NLGN1: variants seen among roughly 807,000 people sequenced by gnomAD.
The protein encoded by NLGN1 is neuroligin-1.
A neutral mutation model predicts 65.5 loss-of-function variants in NLGN1; 12 were observed. The observed-to-expected ratio is 0.18, with a 90% CI of 0.12 to 0.30. The LOEUF (loss-of-function observed/expected upper bound fraction) is 0.30, where lower values mean the gene tolerates loss of function less well. Among genes scored for constraint, NLGN1 ranks in the 10% least tolerant of loss-of-function variants. NLGN1 has a pLI of 1.00. For synonymous variants in NLGN1, 350 were observed against 359.5 expected (o/e 0.97, Z 0.30); for missense variants, 750 against 1,007.1 (o/e 0.74, Z 3.46).
At position 174,243,552 on chromosome 3, in the gene NLGN1, T is replaced by A. The variant is rs533112296; in HGVS notation, c.647-31763T>A. ...TCTCTTTCTTACAAAATCTTAAAAA[T>A]TCCCCTATGTAATTCCTTTTCTATT... On this transcript the variant is annotated intron_variant, in intron 4 of 6. Transcript: ENST00000457714. Among the ~76,000 whole-genome samples the A allele has an allele frequency of 5.9e-5, 9 of 152,308 alleles. No homozygotes were observed. In the East Asian group the frequency reaches 1.7e-3, roughly 29 times the overall value.
At chr3:173,531,660 C>A (rs1236669295) in intron 2 of NLGN1, among the ~76,000 whole-genome samples, 2 of 151,770 alleles carry the variant, frequency 1.3e-5, no homozygotes. Context: ...TTTCAACTAC[C>A]TATAAATCTC....
At chr3:173,435,055 C>G (rs1024147670) in exon 2 of NLGN1, 22 of 152,564 alleles carry the variant, frequency 1.4e-4, no homozygotes, top group African/African-American at 4.8e-4. Context: ...TGTGACAAAT[C>G]CCCCAGGGCT....
chr3:174,213,555 A>G (rs1737079723), intron 4 of NLGN1, among the ~76,000 whole-genome samples: 1 of 152,194 alleles, frequency 6.6e-6, no homozygotes, highest in Admixed American at 6.5e-5. Context: ...TAAAACAATA[A>G]CCTTTGTGGT....
intron 4 of NLGN1, among the ~76,000 whole-genome samples, chr3:173,915,918 A>G (rs1740642988): frequency 1.3e-5 from 2 of 151,724 alleles, no homozygotes; most frequent in South Asian, 4.2e-4. Flanking sequence ...ATTTTTTTAG[A>G]TTATAGTAGC....
chr3:173,508,485 C>T (rs758513076), intron 2 of NLGN1, among the ~76,000 whole-genome samples: 9 of 152,128 alleles, frequency 5.9e-5, no homozygotes, highest in Non-Finnish European at 1.2e-4. Flanking sequence ...TTCGCTATCC[C>T]TGAGGCTCCC....
rs1215808815 is a variant in NLGN1, at chr3:173,733,433, T to C, written c.494-74247T>C. ...TCTCTCTTTCCCTTTCCCTTTTCTCTAATCATTGTTCCCTTTTCTGCAGTA... is the reference window on the plus strand; with the variant it reads ...TCTCTCTTTCCCTTTCCCTTTTCTCCAATCATTGTTCCCTTTTCTGCAGTA... On this transcript the variant is annotated intron_variant, in intron 3 of 6. Transcript: ENST00000457714. Among the ~76,000 whole-genome samples, 5 of 152,138 alleles carry C rather than the reference T, an allele frequency of 3.3e-5. No homozygotes were observed. In the East Asian group the frequency reaches 9.6e-4, roughly 29 times the overall value.
chr3:173,981,549 A>G (rs1463488141), intron 4 of NLGN1, among the ~76,000 whole-genome samples: 1 of 152,110 alleles, frequency 6.6e-6, no homozygotes, highest in East Asian at 1.9e-4. Flanking sequence ...TATCTGGTAC[A>G]TTACATTTGT....
intron 4 of NLGN1, among the ~76,000 whole-genome samples, chr3:174,172,370 C>A (rs1014734436): frequency 3.3e-5 from 5 of 152,018 alleles, no homozygotes; most frequent in African/African-American, 1.2e-4. Flanking sequence ...GTTGTAGTAG[C>A]AAATACTGGG....
chr3:174,049,708 G>A (rs539937550), intron 4 of NLGN1, among the ~76,000 whole-genome samples: 2 of 152,194 alleles, frequency 1.3e-5, no homozygotes, highest in East Asian at 3.9e-4. Context: ...GTAATCTAAA[G>A]TGCTTTAATT....
At chr3:173,667,760 G>A (rs1761913379) in intron 3 of NLGN1, among the ~76,000 whole-genome samples, 1 of 152,144 alleles carries the variant, frequency 6.6e-6, no homozygotes, top group South Asian at 2.1e-4. Flanking sequence ...CTCCCGATTA[G>A]CTGGGACTAC....
intron 4 of NLGN1, among the ~76,000 whole-genome samples, chr3:173,879,919 T>G (rs1732899693): frequency 1.3e-5 from 2 of 152,190 alleles, no homozygotes; most frequent in African/African-American, 4.8e-5. Flanking sequence ...AAGTGTATTT[T>G]AAAATACTTT....
At chr3:173,759,421 C>T (rs1285328714) in intron 3 of NLGN1, among the ~76,000 whole-genome samples, 8 of 151,870 alleles carry the variant, frequency 5.3e-5, no homozygotes, top group African/African-American at 1.7e-4. Context: ...CATCAATTAA[C>T]GTCTTTGTAC....
intron 2 of NLGN1, among the ~76,000 whole-genome samples, chr3:173,495,137 A>G (rs924835680): frequency 1.3e-5 from 2 of 151,768 alleles, no homozygotes; most frequent in Non-Finnish European, 2.9e-5. Context: ...TCAGGAGTAT[A>G]ACTATCTATA....
chr3:173,584,787 A>AGGC (rs1553767063), intron 2 of NLGN1: 1 of 147,444 alleles, frequency 6.8e-6, no homozygotes, highest in African/African-American at 2.6e-5. Flanking sequence ...ATAAAAAAGG[A>AGGC]GGGGGGGGTG....
At chr3:173,978,739 T>C (rs1718081557) in intron 4 of NLGN1, among the ~76,000 whole-genome samples, 1 of 150,960 alleles carries the variant, frequency 6.6e-6, no homozygotes, top group African/African-American at 2.4e-5. Flanking sequence ...CTCATACCTG[T>C]AATCCCAGCA....
At position 174,079,497 on chromosome 3, in the gene NLGN1, G is replaced by A. The variant is rs899827199; in HGVS notation, c.647-195818G>A. Among the ~76,000 whole-genome samples, 7 of 152,120 alleles carry A rather than the reference G, an allele frequency of 4.6e-5. No homozygotes were observed. In the East Asian group the frequency reaches 5.8e-4, roughly 13 times the overall value. On this transcript the variant is annotated intron_variant, in intron 4 of 6. Transcript: ENST00000457714. ...GACATTGTGGTGATTCCTCAAAGAC[G>A]TAAAAACAGAAACACCATTTGACCC...
intron 3 of NLGN1, among the ~76,000 whole-genome samples, chr3:173,615,777 C>T (rs1331280406): frequency 6.7e-6 from 1 of 148,638 alleles, no homozygotes; most frequent in African/African-American, 2.5e-5. Flanking sequence ...CTAAAGTGTA[C>T]CTATACAAAT....
intron 3 of NLGN1, among the ~76,000 whole-genome samples, chr3:173,804,350 A>ATCTT (rs140853691): frequency 0.011 from 1,748 of 152,274 alleles, 26 homozygotes; most frequent in African/African-American, 0.039. Context: ...CTGTTTAGGC[A>ATCTT]AAGTAAAAAA....
At chr3:174,219,614 T>G (rs1195289194) in intron 4 of NLGN1, among the ~76,000 whole-genome samples, 1 of 152,120 alleles carries the variant, frequency 6.6e-6, no homozygotes, top group Non-Finnish European at 1.5e-5. Flanking sequence ...GCTTAGTACA[T>G]CGTAGGAGTA....
Sources: gnomAD v4.1 joint callset for allele counts (sites outside exome capture counted in the v4.1 genomes callset) on GRCh38, gnomAD v4.1.1 for gene constraint, MANE v1.5 for transcripts, NCBI Gene and HGNC (gene_info 2026-07-23, HGNC 2026-07-21) for gene names.